Variants in TRAF2 observed in about 807,000 individuals in gnomAD.
TRAF2 encodes TNF receptor associated factor 2.
A neutral mutation model predicts 55.6 loss-of-function variants in TRAF2; 6 were observed. The ratio of observed to expected loss-of-function variants is 0.11; its 90% CI spans 0.06 to 0.21. The LOEUF (loss-of-function observed/expected upper bound fraction) is 0.21, where lower values mean the gene tolerates loss of function less well. TRAF2 is among the 10% of genes least tolerant of loss of function. The pLI, the probability that TRAF2 is intolerant of heterozygous loss-of-function variation, is 1.00. For missense variants in TRAF2, 561 were observed against 684.5 expected (o/e 0.82, Z 2.01); for synonymous variants, 329 against 276.3 (o/e 1.19, Z -1.89).
At chr9:136,922,265 A>G (rs1850404701) in intron 9 of TRAF2, 1 of 152,258 alleles carries the variant, frequency 6.6e-6, no homozygotes, top group African/African-American at 2.4e-5. Context: ...GGAAAAATGA[A>G]AGATTGTTTT....
At chr9:136,893,221 T>G (rs1849616249) in intron 1 of TRAF2, among the ~76,000 whole-genome samples, 1 of 152,144 alleles carries the variant, frequency 6.6e-6, no homozygotes, top group Non-Finnish European at 1.5e-5. Context: ...CGAGGGACCT[T>G]GAGCACTGGG....
In TRAF2 at chr9:136,916,436, C is replaced by T. The variant is rs112328921; in HGVS notation, c.604-105C>T. On this transcript the variant is annotated intron_variant, in intron 6 of 10. Transcript: ENST00000247668. ...TTCAGTGTGAGAGTGAAGAGGCCAA[C>T]GGGGCAGGTCATGTAACCTCTGTGT... 2.8e-5 allele frequency: 33 copies of T among 1,167,694 alleles called. 1 individual carries two copies. Among genetic ancestry groups the T allele is most frequent in the Middle Eastern group, 1.9e-4 (1 of 5,168 alleles). The allele number at this position is 1,167,694 out of a possible 1,614,324, so 72.3% of individuals were successfully genotyped here. A position where few individuals can be genotyped will look rare whatever the true frequency, so the allele number is the denominator to read the frequency against.
At chr9:136,886,383 C>A (rs932098282), upstream of TRAF2, 6 of 984,336 alleles carry the variant, frequency 6.1e-6, no homozygotes, top group Non-Finnish European at 7.3e-6. Context: ...CGGAGCGGGG[C>A]GTATCTGGCC....
In TRAF2 at chr9:136,925,791, G is replaced by A. The variant is rs1465825300; in HGVS notation, c.1396G>A (p.Ala466Thr). The change falls in exon 11 of 11, where the codon GCA (alanine) becomes ACA (threonine). Residue 466 changes from alanine to threonine, a missense_variant. Coordinates refer to ENST00000247668, the MANE Select transcript of TRAF2 (RefSeq NM_021138.4). Reference protein sequence around the residue: ...FQRPVNDMNIASGCPLFCPVS... With the variant: ...FQRPVNDMNITSGCPLFCPVS... ...GAGGCCAGTCAACGACATGAACATC[G>A]CAAGCGGCTGCCCCCTCTTCTGCCC... 8 of 1,614,214 alleles carry A rather than the reference G, an allele frequency of 5.0e-6. No homozygotes were observed. The highest frequency in any genetic ancestry group is 2.2e-5 in the East Asian group (1 of 44,886).
intron 6 of TRAF2, among the ~76,000 whole-genome samples, chr9:136,915,425 TATCGGGGGTCCACGCCGTGGATCCAGCCA>T (rs1172085593): frequency 6.6e-6 from 1 of 151,972 alleles, no homozygotes; most frequent in African/African-American, 2.4e-5. Context: ...CAGTCCTCTG[TATCGGGGGTCCACGCCGTGGATCCAGCCA>T]ACCGTAGGTT....
chr9:136,895,278 C>G (rs1308275882), intron 1 of TRAF2, among the ~76,000 whole-genome samples: 1 of 152,218 alleles, frequency 6.6e-6, no homozygotes, highest in Non-Finnish European at 1.5e-5. Context: ...CACAGCCTTC[C>G]TGCTGCGGTT....
chr9:136,896,891 A>G (rs559592579), intron 1 of TRAF2, among the ~76,000 whole-genome samples: 3 of 152,140 alleles, frequency 2.0e-5, no homozygotes, highest in South Asian at 2.1e-4. Context: ...TACAGGCGTG[A>G]GAGTTGTAGT....
chr9:136,921,604 G>GCT (rs1411058074), intron 9 of TRAF2, among the ~76,000 whole-genome samples: 2 of 152,184 alleles, frequency 1.3e-5, no homozygotes, highest in Admixed American at 1.3e-4. Context: ...GTGGGACATG[G>GCT]CTCTCAGGGC....
chr9:136,918,251 A>T lies in TRAF2; in HGVS notation c.678+1636A>T, dbSNP rs867970495. 5.3e-4 allele frequency among the ~76,000 whole-genome samples: 23 copies of T among 43,714 alleles called. 1 individual carries two copies. Among genetic ancestry groups the T allele is most frequent in the African/African-American group, 3.2e-3 (22 of 6,782 alleles). 28.7% of individuals were successfully genotyped at this position (43,714 alleles called of 152,430 possible). On this transcript the variant is annotated intron_variant, in intron 7 of 10. Coordinates refer to ENST00000247668, the MANE Select transcript of TRAF2 (RefSeq NM_021138.4). ...TTTATATATATATATATATATATAT[A>T]TATATATTTATTTAATTAATTAATT...
At chr9:136,924,715 G>A (rs1850478107) in intron 10 of TRAF2, among the ~76,000 whole-genome samples, 1 of 152,116 alleles carries the variant, frequency 6.6e-6, no homozygotes, top group African/African-American at 2.4e-5. Flanking sequence ...CAGCTTCGGA[G>A]CCCTCTTCGT....
intron 9 of TRAF2, 132 bp downstream of exon 9, chr9:136,921,347 G>C: frequency 8.5e-7 from 1 of 1,174,692 alleles, no homozygotes; most frequent in East Asian, 2.5e-5. Flanking sequence ...ACCGGGAGCA[G>C]CTACACCTCC....
At chr9:136,925,598 T>C in intron 10 of TRAF2, 85 bp from the exon 11 acceptor site, 1 of 1,378,280 alleles carries the variant, frequency 7.3e-7, no homozygotes, top group Non-Finnish European at 1.0e-6. Flanking sequence ...CTCCTGCTGG[T>C]GGCCCTGCCA....
chr9:136,891,485 C>A (rs1235147032), intron 1 of TRAF2, among the ~76,000 whole-genome samples: 4 of 151,800 alleles, frequency 2.6e-5, no homozygotes, highest in African/African-American at 9.7e-5. Flanking sequence ...CTCAAGCAAT[C>A]TGCCTACCTC....
intron 1 of TRAF2, among the ~76,000 whole-genome samples, chr9:136,887,906 G>A (rs1044116599): frequency 6.6e-6 from 1 of 152,042 alleles, no homozygotes; most frequent in African/African-American, 2.4e-5. Context: ...TTTTGGTCTT[G>A]TTGCCCAGGC....
intron 6 of TRAF2, among the ~76,000 whole-genome samples, chr9:136,914,570 A>G (rs908858115): frequency 6.6e-6 from 1 of 152,226 alleles, no homozygotes; most frequent in Non-Finnish European, 1.5e-5. Context: ...TTAAGAGAAA[A>G]TACATTGTGG....
In TRAF2 at chr9:136,921,127, C is replaced by T. The variant is rs777906246; in HGVS notation, c.1050C>T (p.Tyr350=). The T allele has an allele frequency of 9.3e-6, 15 of 1,613,970 alleles. No individual in the cohort carries two copies. The highest frequency in any genetic ancestry group is 1.6e-4 in the Middle Eastern group (1 of 6,084). The change falls in exon 9 of 11, where the codon TAC becomes TAT. Residue 350 remains tyrosine (Y), a synonymous_variant. Coordinates refer to ENST00000247668, the MANE Select transcript of TRAF2 (RefSeq NM_021138.4). ...QKVLEMEAST[Y]DGVFIWKISD... ...TCTTGGAGATGGAGGCATCCACCTA[C>T]GATGGGGTCTTCATCTGGAAGATCT...
intron 1 of TRAF2, among the ~76,000 whole-genome samples, chr9:136,889,249 G>A (rs908739141): frequency 3.5e-5 from 5 of 142,836 alleles, no homozygotes; most frequent in Middle Eastern, 3.7e-3. Context: ...ACGGAGTCTC[G>A]CTCTGTCCCC....
intron 5 of TRAF2, among the ~76,000 whole-genome samples, 159 bp from the exon 6 acceptor site, chr9:136,909,761 C>T (rs926005070): frequency 6.6e-6 from 1 of 152,232 alleles, no homozygotes. Flanking sequence ...GTGGTGCTGG[C>T]AGGATCCTGC....
intron 1 of TRAF2, among the ~76,000 whole-genome samples, chr9:136,893,447 G>A (rs1215967633): frequency 6.6e-6 from 1 of 152,214 alleles, no homozygotes; most frequent in Non-Finnish European, 1.5e-5. Flanking sequence ...CCCTATTCAG[G>A]TCAGTGAGCG....
Sources: allele counts gnomAD v4.1 joint callset (sites outside exome capture counted in the v4.1 genomes callset), GRCh38; gene constraint gnomAD v4.1.1; transcripts MANE v1.5; gene names NCBI Gene and HGNC (gene_info 2026-07-23, HGNC 2026-07-21).